The following PRELID2 variants were observed in gnomAD, a reference collection of about 807,000 sequenced individuals.
PRELID2 encodes PRELI domain-containing protein 2.
A neutral mutation model predicts 28.4 loss-of-function variants in PRELID2; 25 were observed. That is an observed-to-expected ratio of 0.88 (90% confidence interval 0.64 to 1.23). The LOEUF is 1.23. Among genes scored for constraint, PRELID2 ranks in the 50% most tolerant of loss-of-function variants. The pLI, the probability that PRELID2 is intolerant of heterozygous loss-of-function variation, is 0.00. For missense variants in PRELID2, 201 were observed against 214.4 expected (o/e 0.94, Z 0.39); for synonymous variants, 76 against 71.6 (o/e 1.06, Z -0.31).
chr5:145,405,074 C>T, the PRELID2 span, among the ~76,000 whole-genome samples: 13 of 152,260 alleles, frequency 8.5e-5, no homozygotes, highest in African/African-American at 3.1e-4. Context: ...AAAAAAACTT[C>T]AAGTGCCACG....
chr5:145,303,751 T>C, the PRELID2 span, among the ~76,000 whole-genome samples: 1 of 152,212 alleles, frequency 6.6e-6, no homozygotes, highest in Non-Finnish European at 1.5e-5. Context: ...CAGCACCAAG[T>C]TGAAGGGACT....
At chr5:145,554,411 G>A (rs573018513) in intron 1 of PRELID2, among the ~76,000 whole-genome samples, 2 of 152,242 alleles carry the variant, frequency 1.3e-5, no homozygotes, top group African/African-American at 4.8e-5. Context: ...ATGACAGAAG[G>A]ACACCACTGC....
chr5:145,536,333 G>A (rs1054449214), intron 1 of PRELID2, among the ~76,000 whole-genome samples: 7 of 151,924 alleles, frequency 4.6e-5, no homozygotes, highest in Admixed American at 2.6e-4. Context: ...TAAATTACGA[G>A]CAGTAGAACT....
Position 145,543,612 on chromosome 5 carries a change from A to C in PRELID2, n.71-70297T>G, listed in dbSNP as rs371307607. ...TTCCTTCTCAAACTTTCTTTCTCTG[A>C]AAGAACAGTAGCCAGTAAAATTCCA... On this transcript the variant is annotated intron_variant and non_coding_transcript_variant, in intron 1 of 2. Transcript: ENST00000510259. Among the ~76,000 whole-genome samples the C allele has an allele frequency of 1.3e-3, 203 of 152,218 alleles. 2 individuals carry two copies. Among genetic ancestry groups the C allele is most frequent in the African/African-American group, 4.7e-3 (196 of 41,542 alleles).
intron 1 of PRELID2, among the ~76,000 whole-genome samples, chr5:145,593,564 A>C (rs1395230366): frequency 6.6e-6 from 1 of 152,196 alleles, no homozygotes; most frequent in African/African-American, 2.4e-5. Context: ...AATCCTAAGG[A>C]ATCAACTCAT....
chr5:145,807,249 T>C (rs1561632006), intron 4 of PRELID2, among the ~76,000 whole-genome samples: 1 of 152,194 alleles, frequency 6.6e-6, no homozygotes. Context: ...TAGGCAGTGT[T>C]GGACTGTATC....
chr5:145,279,764 A>C, the PRELID2 span, among the ~76,000 whole-genome samples: 1 of 152,150 alleles, frequency 6.6e-6, no homozygotes, highest in Admixed American at 6.6e-5. Flanking sequence ...TTAAACCAAA[A>C]AATTAGAAGG....
chr5:145,416,579 C>T, the PRELID2 span, among the ~76,000 whole-genome samples: 1 of 152,132 alleles, frequency 6.6e-6, no homozygotes, highest in South Asian at 2.1e-4. Context: ...AGGCAGAAAT[C>T]AGGAAGTTCT....
intron 1 of PRELID2, among the ~76,000 whole-genome samples, chr5:145,544,244 ATGGGAGAGT>A (rs1752768059): frequency 6.6e-6 from 1 of 152,064 alleles, no homozygotes; most frequent in Non-Finnish European, 1.5e-5. Flanking sequence ...CTCTCTGCCT[ATGGGAGAGT>A]TGAATGCACC....
At chr5:145,285,891 A>T in the PRELID2 span, among the ~76,000 whole-genome samples, 1 of 152,206 alleles carries the variant, frequency 6.6e-6, no homozygotes, top group Non-Finnish European at 1.5e-5. Flanking sequence ...ACATCTGAAA[A>T]TGGCTCCACT....
At chr5:145,253,135 T>C in the PRELID2 span, among the ~76,000 whole-genome samples, 3 of 152,116 alleles carry the variant, frequency 2.0e-5, no homozygotes, top group African/African-American at 7.2e-5. Flanking sequence ...GTATTTCCTA[T>C]GTAATACCAG....
the PRELID2 span, among the ~76,000 whole-genome samples, chr5:145,368,893 A>G: frequency 6.6e-6 from 1 of 151,668 alleles, no homozygotes; most frequent in Admixed American, 6.6e-5. Flanking sequence ...GGGTTGTTAC[A>G]TAGATCATTT....
At chr5:145,296,436 G>A in the PRELID2 span, among the ~76,000 whole-genome samples, 2 of 146,660 alleles carry the variant, frequency 1.4e-5, no homozygotes, top group African/African-American at 5.0e-5. Context: ...GTGAGAATAT[G>A]CGGTGTTTGG....
intron 1 of PRELID2, among the ~76,000 whole-genome samples, chr5:145,825,263 T>G (rs1284707972): frequency 8.1e-6 from 1 of 123,584 alleles, no homozygotes; most frequent in African/African-American, 2.9e-5. Context: ...AAAAAAAACT[T>G]GGAACTACAG....
intron 2 of PRELID2, among the ~76,000 whole-genome samples, chr5:145,472,308 C>G (rs11167902): frequency 0.045 from 6,854 of 152,192 alleles, 519 homozygotes; most frequent in East Asian, 0.4. Flanking sequence ...TTCTTACCAC[C>G]TACAGTCTCT....
chr5:145,339,875 C>G, the PRELID2 span, among the ~76,000 whole-genome samples: 1 of 152,176 alleles, frequency 6.6e-6, no homozygotes, highest in Non-Finnish European at 1.5e-5. Flanking sequence ...GCTGCTGCCA[C>G]AGGGTCATAA....
chr5:145,399,453 T>C, the PRELID2 span, among the ~76,000 whole-genome samples: 1 of 152,126 alleles, frequency 6.6e-6, no homozygotes, highest in East Asian at 1.9e-4. Context: ...TATGCTCTTC[T>C]TCTTAAGAAC....
chr5:145,335,792 A>G, the PRELID2 span, among the ~76,000 whole-genome samples: 5 of 152,206 alleles, frequency 3.3e-5, no homozygotes, highest in East Asian at 9.6e-4. Context: ...ATACCCAGTA[A>G]TGGGATGGCT....
chr5:145,619,594 A>G (rs1257501485), intron 1 of PRELID2, among the ~76,000 whole-genome samples: 2 of 152,052 alleles, frequency 1.3e-5, no homozygotes, highest in African/African-American at 2.4e-5. Flanking sequence ...TCCTTCAGAG[A>G]GTCTGAGGGT....
Sources: allele counts gnomAD v4.1 joint callset (sites outside exome capture counted in the v4.1 genomes callset), GRCh38; gene constraint gnomAD v4.1.1; transcripts MANE v1.5; gene names NCBI Gene and HGNC (gene_info 2026-07-23, HGNC 2026-07-21).